The following NHSL2 variants were observed in gnomAD, a reference collection of about 807,000 sequenced individuals.
NHSL2 encodes the protein NHS like 2, also known as NHS-like protein 2.
In NHSL2, 27 loss-of-function variants were observed where a neutral mutation model predicts 53.4. The ratio of observed to expected loss-of-function variants is 0.51; its 90% CI spans 0.37 to 0.70. The LOEUF is 0.70. Ranked by LOEUF, NHSL2 falls within the 30% of genes least tolerant of loss-of-function variation. NHSL2 has a pLI of 0.00. For synonymous variants in NHSL2, 408 were observed against 404.1 expected, an observed-to-expected ratio of 1.01 and a Z score of -0.12; for missense variants, 892 against 980.1, an observed-to-expected ratio of 0.91 and a Z score of 1.20.
intron 1 of NHSL2, among the ~76,000 whole-genome samples, chrX:72,052,827 C>T (rs1241234735): frequency 2.7e-5 from 3 of 111,858 alleles, no homozygotes; most frequent in African/African-American, 9.8e-5. Flanking sequence ...TCTTCACCCT[C>T]TGCTCCCCCC....
intron 1 of NHSL2, among the ~76,000 whole-genome samples, chrX:71,914,408 C>T (rs1015392005): frequency 8.9e-6 from 1 of 112,157 alleles, no homozygotes; most frequent in Non-Finnish European, 1.9e-5. Flanking sequence ...AGGCCATCCG[C>T]GTAGGGATAT....
intron 1 of NHSL2, among the ~76,000 whole-genome samples, chrX:72,091,349 G>A (rs1036912084): frequency 1.5e-4 from 17 of 111,501 alleles, no homozygotes; most frequent in Non-Finnish European, 3.0e-4. Context: ...AGCTACTCAG[G>A]AGGCTGAGGC....
chrX:72,081,306 C>T (rs1283587163), intron 1 of NHSL2, among the ~76,000 whole-genome samples: 2 of 112,409 alleles, frequency 1.8e-5, no homozygotes, highest in African/African-American at 3.2e-5. Context: ...GGTCTGTAGA[C>T]AAGGAGGAAC....
rs1038986694 is a variant in NHSL2 at position 72,084,071 on chromosome X, C to T, written c.281-48008C>T. Reference sequence around the variant, plus strand: ...TCCTCCAGGAAGCCTTCCTTCAAATCCCCCAGGTTAAGTTCAGCTTAGCAC... The same window carrying T: ...TCCTCCAGGAAGCCTTCCTTCAAATTCCCCAGGTTAAGTTCAGCTTAGCAC... On this transcript the variant is annotated intron_variant, in intron 1 of 7. Transcript: ENST00000633930. Among the ~76,000 whole-genome samples the T allele has an allele frequency of 2.7e-5, 3 of 112,447 alleles. No individual in the cohort carries two copies. The East Asian group carries it at 8.3e-4, about 31-fold the overall frequency.
Position 72,132,239 on chromosome X carries a change from C to G in NHSL2, c.436+5C>G, listed in dbSNP as rs1423556158. On this transcript the variant is annotated splice_donor_5th_base_variant and intron_variant, in intron 2 of 7. Transcript: ENST00000633930. ...ATCTCCAGAGCCTGTTGCAAGGTAC[C>G]GAGAGGGAGGGGGGCTGCGGCCGGA... 9 of 1,145,277 alleles carry G rather than the reference C, an allele frequency of 7.9e-6. No homozygotes were observed. The highest frequency in any genetic ancestry group is 2.8e-5 in the Admixed American group (1 of 36,107). 94.4% of individuals were successfully genotyped at this position (1,145,277 alleles called of 1,213,427 possible).
chrX:72,080,596 G>A (rs1260764629), intron 1 of NHSL2, among the ~76,000 whole-genome samples: 2 of 108,342 alleles, frequency 1.8e-5, no homozygotes, highest in African/African-American at 6.6e-5. Context: ...GTGTGTGTGT[G>A]TGTGTGTAAG....
intron 1 of NHSL2, among the ~76,000 whole-genome samples, chrX:72,092,140 A>C (rs1410361697): frequency 1.8e-5 from 2 of 111,749 alleles, no homozygotes; most frequent in Non-Finnish European, 3.8e-5. Flanking sequence ...TTGCGAGAAC[A>C]AAGGTGTGCT....
intron 1 of NHSL2, among the ~76,000 whole-genome samples, chrX:71,970,360 C>T (rs925701773): frequency 6.3e-5 from 7 of 111,938 alleles, no homozygotes; most frequent in Non-Finnish European, 1.3e-4. Flanking sequence ...CCATCTGGGC[C>T]TGGACTTTTT....
chrX:71,984,191 T>C (rs1482892840), intron 1 of NHSL2, among the ~76,000 whole-genome samples: 2 of 111,293 alleles, frequency 1.8e-5, no homozygotes, highest in Non-Finnish European at 3.8e-5. Flanking sequence ...GCAATCAGGG[T>C]AGAGAGGAGC....
In NHSL2 at chrX:72,048,884, G is replaced by A. The variant is rs1485459890; in HGVS notation, c.281-83195G>A. 2.7e-5 allele frequency among the ~76,000 whole-genome samples: 3 copies of A among 109,442 alleles called. No individual in the cohort carries two copies. The East Asian group carries it at 8.6e-4, about 31-fold the overall frequency. ...CATGCTTGTAATGTCAGCTACTCAGGAGGCTGAGACAGGAGGATTTCTAGA... is the reference window on the plus strand; with the variant it reads ...CATGCTTGTAATGTCAGCTACTCAGAAGGCTGAGACAGGAGGATTTCTAGA... On this transcript the variant is annotated intron_variant, in intron 1 of 7. Transcript: ENST00000633930.
At chrX:72,130,949 C>T (rs781538637) in intron 1 of NHSL2, 5 of 1,209,830 alleles carry the variant, frequency 4.1e-6, no homozygotes, top group Non-Finnish European at 5.6e-6. Flanking sequence ...TCCTTGGCTT[C>T]GCCAGTGAAA....
At chrX:71,969,463 C>A (rs181417785) in intron 1 of NHSL2, among the ~76,000 whole-genome samples, 63 of 110,421 alleles carry the variant, frequency 5.7e-4, no homozygotes, top group Non-Finnish European at 9.5e-4. Flanking sequence ...CAGGCACCCA[C>A]CACTGCGCAT....
At chrX:71,992,173 G>A (rs1191712626) in intron 1 of NHSL2, among the ~76,000 whole-genome samples, 1 of 112,849 alleles carries the variant, frequency 8.9e-6, no homozygotes, top group African/African-American at 3.2e-5. Context: ...CCATCACTGG[G>A]CATAGTCAGG....
At chrX:72,054,200 T>C (rs1178391498) in intron 1 of NHSL2, among the ~76,000 whole-genome samples, 1 of 111,796 alleles carries the variant, frequency 8.9e-6, no homozygotes, top group Non-Finnish European at 1.9e-5. Context: ...GGGTGGGAAG[T>C]AGAGCCTTCC....
intron 1 of NHSL2, among the ~76,000 whole-genome samples, chrX:72,040,496 C>T (rs1224469876): frequency 8.9e-6 from 1 of 111,796 alleles, no homozygotes; most frequent in Non-Finnish European, 1.9e-5. Flanking sequence ...AGTTACTTGC[C>T]CTGGATCCCA....
At chrX:72,029,367 C>T (rs959179969) in intron 1 of NHSL2, among the ~76,000 whole-genome samples, 3 of 112,086 alleles carry the variant, frequency 2.7e-5, no homozygotes. Context: ...GCTGCCACCA[C>T]CCTACTTAAA....
chrX:72,007,812 C>T (rs975749736), intron 1 of NHSL2, among the ~76,000 whole-genome samples: 3 of 113,207 alleles, frequency 2.7e-5, no homozygotes, highest in African/African-American at 9.6e-5. Flanking sequence ...CAGAGGTTGG[C>T]AGCAGTTTGC....
intron 7 of NHSL2, among the ~76,000 whole-genome samples, chrX:72,142,737 A>G (rs1029597507): frequency 9.0e-6 from 1 of 111,435 alleles, no homozygotes; most frequent in African/African-American, 3.3e-5. Flanking sequence ...TTAACCCTTC[A>G]CAGAATTCCT....
chrX:71,966,645 T>C (rs1933934445), intron 1 of NHSL2, among the ~76,000 whole-genome samples: 1 of 112,074 alleles, frequency 8.9e-6, no homozygotes, highest in African/African-American at 3.2e-5. Flanking sequence ...TAAATCCCAC[T>C]TGGTTGTGAT....
Sources: allele counts gnomAD v4.1 joint callset (sites outside exome capture counted in the v4.1 genomes callset), GRCh38; gene constraint gnomAD v4.1.1; transcripts MANE v1.5; gene names NCBI Gene and HGNC (gene_info 2026-07-23, HGNC 2026-07-21).